The following ASB3 variants were observed in gnomAD, a reference collection of about 807,000 sequenced individuals.
The protein encoded by ASB3 is ankyrin repeat and SOCS box containing 3.
In ASB3, 41 loss-of-function variants were observed where a neutral mutation model predicts 54.5. The ratio of observed to expected loss-of-function variants is 0.75; its 90% CI spans 0.59 to 0.98. The LOEUF is 0.98. Ranked by LOEUF, ASB3 falls within the 50% of genes least tolerant of loss-of-function variation. The pLI is 0.00. For missense variants in ASB3, 733 were observed against 620.0 expected, an observed-to-expected ratio of 1.18 and a Z score of -1.94; for synonymous variants, 266 against 221.2, an observed-to-expected ratio of 1.20 and a Z score of -1.80.
intron 1 of ASB3, among the ~76,000 whole-genome samples, chr2:53,781,192 G>A (rs911237629): frequency 6.6e-6 from 1 of 152,042 alleles, no homozygotes; most frequent in African/African-American, 2.4e-5. Context: ...CAAATCACTT[G>A]AGCCCAGGAG....
intron 2 of ASB3, among the ~76,000 whole-genome samples, chr2:53,754,228 G>A (rs556699975): frequency 5.8e-4 from 89 of 152,250 alleles, no homozygotes; most frequent in African/African-American, 2.1e-3. Flanking sequence ...ATGAGTTCAT[G>A]CAGATATAAA....
intron 3 of ASB3, among the ~76,000 whole-genome samples, chr2:53,733,889 C>A (rs1279466218): frequency 1.3e-5 from 2 of 152,198 alleles, no homozygotes; most frequent in African/African-American, 4.8e-5. Flanking sequence ...CAGTGATAAG[C>A]ATTGTTTCTA....
intron 7 of ASB3, 139 bp downstream of exon 7, chr2:53,714,245 T>G: frequency 1.9e-6 from 2 of 1,073,412 alleles, no homozygotes; most frequent in Non-Finnish European, 2.6e-6. Context: ...ACATCATAGT[T>G]TTTTTCCTAT....
chr2:53,706,220 T>C (rs982360135), intron 7 of ASB3, among the ~76,000 whole-genome samples: 5 of 152,196 alleles, frequency 3.3e-5, no homozygotes, highest in Non-Finnish European at 7.3e-5. Flanking sequence ...CCAAGAATCA[T>C]GCTCCATCCT....
Position 53,765,041 on chromosome 2 carries a change from C to A in ASB3, c.196+336G>T, listed in dbSNP as rs117160828. Among the ~76,000 whole-genome samples, 109 of 152,318 alleles carry A rather than the reference C, an allele frequency of 7.2e-4. 3 individuals are homozygous for A. In the East Asian group the frequency reaches 0.014, roughly 19 times the overall value. Reference sequence around the variant, plus strand: ...CACATCCTCAATTTCAGTACAATTGCTCTTTCTGTTTGGTAAAGGAAGAAA... The same window carrying A: ...CACATCCTCAATTTCAGTACAATTGATCTTTCTGTTTGGTAAAGGAAGAAA... On this transcript the variant is annotated intron_variant, in intron 2 of 9. Coordinates refer to ENST00000263634, the MANE Select transcript of ASB3 (RefSeq NM_016115.5).
chr2:53,689,603 C>T (rs1668803613), intron 9 of ASB3, among the ~76,000 whole-genome samples: 1 of 152,058 alleles, frequency 6.6e-6, no homozygotes, highest in Non-Finnish European at 1.5e-5. Flanking sequence ...ATGTAGTTAC[C>T]TTGGTGTACT....
Position 53,670,436 on chromosome 2 carries a change from CTG to C in ASB3, c.*65_*66del. The C allele has an allele frequency of 6.5e-6, 10 of 1,531,238 alleles. No individual in the cohort carries two copies. Among genetic ancestry groups the C allele is most frequent in the Non-Finnish European group, 8.8e-6 (10 of 1,134,688 alleles). The allele number at this position is 1,531,238 out of a possible 1,614,324, so 94.9% of individuals were successfully genotyped here. ...CTATAAAATCATAAAAACTTGTACTCTGTGGCTCTTTTGTCTCGATGATTTTT... is the reference window on the plus strand; with the variant it reads ...CTATAAAATCATAAAAACTTGTACTCTGGCTCTTTTGTCTCGATGATTTTT... On this transcript the variant is annotated 3_prime_UTR_variant, in exon 10 of 10. Transcript: ENST00000263634.
At chr2:53,782,244 A>AT (rs1674689915) in intron 1 of ASB3, among the ~76,000 whole-genome samples, 1 of 152,098 alleles carries the variant, frequency 6.6e-6, no homozygotes, top group Non-Finnish European at 1.5e-5. Flanking sequence ...AAGCACATAC[A>AT]TTTTCCTCCG....
intron 8 of ASB3, among the ~76,000 whole-genome samples, chr2:53,699,951 C>T (rs564587980): frequency 2.6e-5 from 4 of 152,182 alleles, no homozygotes; most frequent in Non-Finnish European, 4.4e-5. Context: ...TCCAAAGCAG[C>T]TCCAAGCATT....
intron 1 of ASB3, chr2:53,771,800 A>C (rs1323023462): frequency 2.3e-5 from 17 of 734,728 alleles, no homozygotes; most frequent in Middle Eastern, 3.0e-4. Flanking sequence ...AGTGCTTCTT[A>C]TGAGCAAATA....
At chr2:53,697,865 C>G (rs1669272001) in intron 8 of ASB3, among the ~76,000 whole-genome samples, 1 of 152,236 alleles carries the variant, frequency 6.6e-6, no homozygotes, top group East Asian at 1.9e-4. Flanking sequence ...AGGCTCAGTC[C>G]CACCCCTATG....
At chr2:53,744,420 A>C (rs1312413861) in intron 3 of ASB3, among the ~76,000 whole-genome samples, 1 of 151,724 alleles carries the variant, frequency 6.6e-6, no homozygotes, top group Admixed American at 6.6e-5. Context: ...AAAATAAAAC[A>C]TAGGTGTAAT....
At chr2:53,713,429 T>C (rs751137676) in intron 7 of ASB3, among the ~76,000 whole-genome samples, 11 of 152,244 alleles carry the variant, frequency 7.2e-5, no homozygotes, top group Non-Finnish European at 1.2e-4. Flanking sequence ...TTACTCAATA[T>C]GGCTGTTCTT....
rs904989118 is a variant in ASB3, at chr2:53,689,172, G to GA, written c.1369+4711dup. On this transcript the variant is annotated intron_variant, in intron 9 of 9. Transcript: ENST00000263634. Reference sequence around the variant, plus strand: ...AATGAATAAATTTGGGTAGTCAAAGGAAAAAAAAAAGAGAAAGTGATGGAG... The same window carrying GA: ...AATGAATAAATTTGGGTAGTCAAAGGAAAAAAAAAAAGAGAAAGTGATGGAG... Among the ~76,000 whole-genome samples the GA allele has an allele frequency of 1.7e-4, 24 of 145,218 alleles. 1 individual carries two copies. Among genetic ancestry groups the GA allele is most frequent in the South Asian group, 4.4e-4 (2 of 4,534 alleles).
intron 1 of ASB3, chr2:53,774,426 T>A (rs770021442): frequency 1.2e-6 from 2 of 1,611,974 alleles, no homozygotes; most frequent in Non-Finnish European, 1.7e-6. Flanking sequence ...CAAATTCTAT[T>A]AGGAACCTTG....
intron 3 of ASB3, 43 bp downstream of exon 3, chr2:53,750,740 T>C (rs1256614139): frequency 1.2e-5 from 17 of 1,432,426 alleles, no homozygotes; most frequent in South Asian, 1.8e-5. Context: ...AAAAAAATAA[T>C]AATGATGAAA....
intron 1 of ASB3, chr2:53,768,054 C>T (rs763972378): frequency 2.5e-6 from 4 of 1,607,494 alleles, no homozygotes; most frequent in East Asian, 2.2e-5. Context: ...ACACTTACTG[C>T]CCCCTGACCC....
At chr2:53,703,582 G>C (rs1180906551) in intron 7 of ASB3, among the ~76,000 whole-genome samples, 2 of 152,170 alleles carry the variant, frequency 1.3e-5, no homozygotes, top group African/African-American at 4.8e-5. Flanking sequence ...CTGGGCAACA[G>C]AGTGAAATTC....
At chr2:53,771,858 A>C (rs145853721) in intron 1 of ASB3, 104 of 1,064,306 alleles carry the variant, frequency 9.8e-5, no homozygotes, top group Non-Finnish European at 1.6e-5. Flanking sequence ...TCAGCTACTT[A>C]ATGAACTTTA....
Sources: allele counts gnomAD v4.1 joint callset (sites outside exome capture counted in the v4.1 genomes callset), GRCh38; gene constraint gnomAD v4.1.1; transcripts MANE v1.5; gene names NCBI Gene and HGNC (gene_info 2026-07-23, HGNC 2026-07-21).